The following NUP133 variants were observed in gnomAD, a reference collection of about 807,000 sequenced individuals.
NUP133 encodes the protein nucleoporin 133, also known as nuclear pore complex protein Nup133.
NUP133 carries 66 observed loss-of-function variants against 146.2 expected under a neutral mutation model. The ratio of observed to expected loss-of-function variants is 0.45; its 90% CI spans 0.37 to 0.55. NUP133 has a LOEUF of 0.55. Among genes scored for constraint, NUP133 ranks in the 20% least tolerant of loss-of-function variants. The pLI, the probability that NUP133 is intolerant of heterozygous loss-of-function variation, is 0.00. For synonymous variants in NUP133, 521 were observed against 498.8 expected (o/e 1.04, Z -0.59); for missense variants, 1,277 against 1,374.8 (o/e 0.93, Z 1.12).
chr1:229,451,668 T>C (rs1428015570), intron 22 of NUP133, among the ~76,000 whole-genome samples: 1 of 152,212 alleles, frequency 6.6e-6, no homozygotes, highest in Non-Finnish European at 1.5e-5. Flanking sequence ...AATCCTTTAA[T>C]AGCAACAATA....
intron 4 of NUP133, among the ~76,000 whole-genome samples, chr1:229,500,031 C>T (rs1298930041): frequency 1.3e-5 from 2 of 152,210 alleles, no homozygotes; most frequent in African/African-American, 4.8e-5. Context: ...CTTATATCCT[C>T]ACTAAGTGTC....
chr1:229,468,243 G>A (rs573801512), intron 15 of NUP133, among the ~76,000 whole-genome samples: 2 of 152,230 alleles, frequency 1.3e-5, no homozygotes, highest in East Asian at 3.9e-4. Context: ...ACCAATCAGA[G>A]ATTGATTTTG....
At chr1:229,462,063 T>C (rs1309045823) in intron 19 of NUP133, among the ~76,000 whole-genome samples, 1 of 152,230 alleles carries the variant, frequency 6.6e-6, no homozygotes, top group Non-Finnish European at 1.5e-5. Flanking sequence ...TTTGTATTTT[T>C]AGAAGAGACG....
chr1:229,450,513 A>G lies in NUP133; in HGVS notation c.3180+12T>C, dbSNP rs778877016. ...TCAGTTGCCTGAGATCATCTCAAGCAATTTTACTTACCTCATCAATATATT... is the reference window on the plus strand; with the variant it reads ...TCAGTTGCCTGAGATCATCTCAAGCGATTTTACTTACCTCATCAATATATT... On this transcript the variant is annotated intron_variant, in intron 23 of 25. Coordinates refer to ENST00000261396, the MANE Select transcript of NUP133 (RefSeq NM_018230.3). The G allele has an allele frequency of 5.5e-6, 8 of 1,467,122 alleles. No homozygotes were observed. The Admixed American group carries it at 1.6e-4, about 29-fold the overall frequency. The allele number at this position is 1,467,122 out of a possible 1,614,324, so 90.9% of individuals were successfully genotyped here.
chr1:229,467,957 A>G (rs1041430730), intron 15 of NUP133, among the ~76,000 whole-genome samples: 3 of 152,122 alleles, frequency 2.0e-5, no homozygotes, highest in Non-Finnish European at 4.4e-5. Flanking sequence ...TATATAATAT[A>G]AAAGACAGAA....
intron 13 of NUP133, 115 bp downstream of exon 13, chr1:229,477,482 A>C: frequency 1.3e-6 from 1 of 740,894 alleles, no homozygotes. Context: ...TTTAAAAAAT[A>C]TTGAATTAAT....
Position 229,506,133 on chromosome 1 carries a change from G to C in NUP133, c.208C>G (p.His70Asp). ...SRGTPTRMFP[H>D]HSITESVNYD... Reference sequence around the variant, plus strand: ...TTCACAGACTCAGTTATGGAGTGGTGTGGGAACATTCGTGTTGGTGTTCCC... The same window carrying C: ...TTCACAGACTCAGTTATGGAGTGGTCTGGGAACATTCGTGTTGGTGTTCCC... The change falls in exon 2 of 26, where the codon CAC becomes GAC. Residue 70 changes from histidine (H) to aspartate (D), a missense_variant. Physicochemically the swap from His to Asp is moderately conservative, Grantham distance 81. This residue lies in a region of NUP133 where 319 missense variants were observed against 306.9 expected (regional missense o/e 1.04). Coordinates refer to ENST00000261396, the MANE Select transcript of NUP133 (RefSeq NM_018230.3). The C allele has an allele frequency of 6.2e-7, 1 of 1,611,446 alleles. No homozygotes were observed. Among genetic ancestry groups the C allele is most frequent in the East Asian group, 2.2e-5 (1 of 44,828 alleles).
At position 229,442,003 on chromosome 1, in the gene NUP133, G is replaced by T; in HGVS notation, c.3372C>A (p.Asp1124Glu). 6.3e-7 allele frequency: 1 copy of T among 1,584,190 alleles called. No individual in the cohort carries two copies. Among genetic ancestry groups the T allele is most frequent in the Non-Finnish European group, 8.5e-7 (1 of 1,171,692 alleles). ...TTCCAAGCTGATCCGCTTGTAGCAG[G>T]TCTTTCACCTCCGGTAAGTACTCAC... Reference protein sequence around the residue: ...QLSEYLPEVKDLLQADQLGSL... With the variant: ...QLSEYLPEVKELLQADQLGSL... Residue 1124 changes from aspartate (D) to glutamate (E), a missense_variant, in exon 26 of 26, where the codon GAC (aspartate) becomes GAA (glutamate). This residue lies in a region of NUP133 where 952 missense variants were observed against 1,047.0 expected (regional missense o/e 0.91). Coordinates refer to ENST00000261396, the MANE Select transcript of NUP133 (RefSeq NM_018230.3).
chr1:229,470,510 T>G (rs938608169), intron 15 of NUP133, 70 bp downstream of exon 15: 7 of 1,283,762 alleles, frequency 5.5e-6, no homozygotes, highest in Non-Finnish European at 7.9e-6. Flanking sequence ...CCTCACCGTC[T>G]TTCCTGCCTA....
intron 22 of NUP133, among the ~76,000 whole-genome samples, chr1:229,451,559 G>A (rs1370902895): frequency 6.6e-6 from 1 of 151,996 alleles, no homozygotes; most frequent in East Asian, 1.9e-4. Flanking sequence ...TAATTTTTAT[G>A]GTCAGAAAAA....
chr1:229,457,420 T>C (rs1660594674), intron 21 of NUP133, among the ~76,000 whole-genome samples: 1 of 152,246 alleles, frequency 6.6e-6, no homozygotes, highest in Non-Finnish European at 1.5e-5. Context: ...CTAGGACCCA[T>C]AGGAATACCA....
At chr1:229,453,920 A>ATT (rs71561741) in intron 21 of NUP133, among the ~76,000 whole-genome samples, 35 of 151,426 alleles carry the variant, frequency 2.3e-4, no homozygotes, top group African/African-American at 6.3e-4. Flanking sequence ...CTTTTTCTTA[A>ATT]TTTTTTTTTG....
chr1:229,472,707 C>CATACAT (rs58951309), intron 14 of NUP133, among the ~76,000 whole-genome samples: 18 of 124,316 alleles, frequency 1.4e-4, no homozygotes, highest in Middle Eastern at 9.0e-3. Flanking sequence ...ACTAAATATA[C>CATACAT]ATATATATAT....
intron 18 of NUP133, 120 bp from the exon 19 acceptor site, chr1:229,463,796 T>A (rs1343080071): frequency 1.2e-5 from 13 of 1,098,916 alleles, no homozygotes; most frequent in Non-Finnish European, 1.6e-5. Flanking sequence ...ATTAATGGAA[T>A]GGAAACCTTC....
chr1:229,467,455 T>C (rs888890385), intron 15 of NUP133, among the ~76,000 whole-genome samples: 11 of 152,342 alleles, frequency 7.2e-5, no homozygotes, highest in Admixed American at 6.5e-4. Flanking sequence ...GAACAAGTTA[T>C]ATAGGCACAG....
At chr1:229,466,390 G>A (rs1002443148) in intron 16 of NUP133, among the ~76,000 whole-genome samples, 1 of 152,044 alleles carries the variant, frequency 6.6e-6, no homozygotes, top group Non-Finnish European at 1.5e-5. Context: ...CAAATGAAAG[G>A]TTTATTATTC....
At chr1:229,487,989 G>C (rs1157835415) in intron 9 of NUP133, among the ~76,000 whole-genome samples, 2 of 151,770 alleles carry the variant, frequency 1.3e-5, no homozygotes, top group African/African-American at 4.8e-5. Flanking sequence ...GATTACAGGT[G>C]CATGCTACCA....
intron 12 of NUP133, among the ~76,000 whole-genome samples, chr1:229,481,394 C>T (rs777504292): frequency 4.1e-4 from 63 of 152,220 alleles, no homozygotes; most frequent in Non-Finnish European, 8.2e-4. Flanking sequence ...AGTCTAAATC[C>T]AATGACTGAT....
At chr1:229,450,708 G>T in intron 22 of NUP133, 103 bp from the exon 23 acceptor site, 3 of 553,290 alleles carry the variant, frequency 5.4e-6, no homozygotes, top group Non-Finnish European at 9.3e-6. Context: ...GGAAGTTGTA[G>T]TTTGTTTTTT....
Sources: allele counts gnomAD v4.1 joint callset (sites outside exome capture counted in the v4.1 genomes callset), GRCh38; gene constraint gnomAD v4.1.1; regional missense constraint gnomAD v4.1.1; transcripts MANE v1.5; gene names NCBI Gene and HGNC (gene_info 2026-07-23, HGNC 2026-07-21).